GRID2: variants seen among roughly 807,000 people sequenced by gnomAD.
GRID2 encodes the protein glutamate receptor ionotropic, delta-2.
Under a neutral mutation model 114.8 loss-of-function variants are expected in GRID2, and 33 were observed. The ratio of observed to expected loss-of-function variants is 0.29; its 90% CI spans 0.22 to 0.38. The LOEUF (loss-of-function observed/expected upper bound fraction) is 0.38, where lower values mean the gene tolerates loss of function less well. GRID2 is among the 10% of genes least tolerant of loss of function. GRID2 has a pLI of 1.00. For synonymous variants in GRID2, 505 were observed against 449.9 expected, an observed-to-expected ratio of 1.12 and a Z score of -1.55; for missense variants, 1,184 against 1,257.7, an observed-to-expected ratio of 0.94 and a Z score of 0.89.
intron 2 of GRID2, among the ~76,000 whole-genome samples, chr4:92,974,802 T>C (rs142448181): frequency 0.012 from 1,895 of 152,104 alleles, 20 homozygotes; most frequent in Non-Finnish European, 0.02. Flanking sequence ...AACTGCACGT[T>C]CTGCACATGT....
At chr4:93,417,851 A>T (rs560817756) in intron 9 of GRID2, among the ~76,000 whole-genome samples, 2 of 151,510 alleles carry the variant, frequency 1.3e-5, no homozygotes, top group South Asian at 2.1e-4. Flanking sequence ...TATCTTTTCC[A>T]TGTTGATGGG....
chr4:93,098,380 C>G (rs750903824), intron 3 of GRID2, among the ~76,000 whole-genome samples: 1 of 151,896 alleles, frequency 6.6e-6, no homozygotes. Context: ...AATTGGCAGT[C>G]GTTCCAGGCA....
intron 1 of GRID2, among the ~76,000 whole-genome samples, chr4:92,586,393 CAT>C (rs1034902424): frequency 6.4e-5 from 9 of 140,744 alleles, no homozygotes; most frequent in African/African-American, 1.1e-4. Flanking sequence ...CACACACACA[CAT>C]ACACACACAC....
intron 1 of GRID2, among the ~76,000 whole-genome samples, chr4:92,316,764 G>T (rs1726005567): frequency 6.6e-6 from 1 of 152,086 alleles, no homozygotes; most frequent in Admixed American, 6.6e-5. Flanking sequence ...GCCTAAAGGT[G>T]CCATAAAAAC....
rs1224255148 is a variant in GRID2 at position 92,935,507 on chromosome 4, C to T, written c.245-149488C>T. The stretch of plus-strand genomic sequence containing the variant: ...CCTCAGGGATCTAGAACTAGAAATA[C>T]CATTTGACCCAGCCATCCCATTACT... On this transcript the variant is annotated intron_variant, in intron 2 of 15. Coordinates refer to ENST00000282020, the MANE Select transcript of GRID2 (RefSeq NM_001510.4). Among the ~76,000 whole-genome samples the T allele has an allele frequency of 1.4e-5, 2 of 146,656 alleles. 1 individual carries two copies. Among genetic ancestry groups the T allele is most frequent in the South Asian group, 4.6e-4 (2 of 4,320 alleles).
chr4:92,595,429 AT>A (rs1188822530), intron 2 of GRID2, among the ~76,000 whole-genome samples: 1 of 151,950 alleles, frequency 6.6e-6, no homozygotes, highest in Non-Finnish European at 1.5e-5. Flanking sequence ...CACAAAATAA[AT>A]GATATTTTTA....
intron 2 of GRID2, among the ~76,000 whole-genome samples, chr4:92,910,601 G>A (rs1453109704): frequency 2.0e-5 from 3 of 152,106 alleles, no homozygotes; most frequent in Non-Finnish European, 4.4e-5. Flanking sequence ...TAAATACAAT[G>A]AGAATTTTCA....
chr4:92,665,793 G>A (rs1261070518), intron 2 of GRID2, among the ~76,000 whole-genome samples: 1 of 150,822 alleles, frequency 6.6e-6, no homozygotes, highest in Non-Finnish European at 1.5e-5. Context: ...TCTACTGATA[G>A]TCTCATTGAG....
chr4:93,605,369 T>C (rs1335240038), intron 13 of GRID2, among the ~76,000 whole-genome samples: 2 of 152,212 alleles, frequency 1.3e-5, no homozygotes, highest in Non-Finnish European at 2.9e-5. Context: ...TATGAAACTG[T>C]GCTGAGTCAT....
intron 2 of GRID2, among the ~76,000 whole-genome samples, chr4:92,664,230 T>A (rs2149271180): frequency 6.6e-6 from 1 of 151,380 alleles, no homozygotes; most frequent in South Asian, 2.1e-4. Context: ...ATCTCAAAAT[T>A]TTCTTCTTAG....
intron 2 of GRID2, among the ~76,000 whole-genome samples, chr4:93,041,111 AAT>A (rs1725475756): frequency 6.6e-6 from 1 of 152,144 alleles, no homozygotes; most frequent in Non-Finnish European, 1.5e-5. Flanking sequence ...AAATAAATAA[AAT>A]ATTATTAGTG....
At chr4:92,701,233 A>C (rs962982782) in intron 2 of GRID2, among the ~76,000 whole-genome samples, 1 of 152,176 alleles carries the variant, frequency 6.6e-6, no homozygotes, top group African/African-American at 2.4e-5. Context: ...TGTCTAATGC[A>C]TAATAAAAAC....
At chr4:93,136,674 A>G (rs1380726937) in intron 4 of GRID2, among the ~76,000 whole-genome samples, 2 of 152,154 alleles carry the variant, frequency 1.3e-5, no homozygotes, top group East Asian at 3.8e-4. Context: ...AATGAATTCT[A>G]AAGGAGAAAC....
At chr4:93,305,234 A>G (rs1755289270) in intron 8 of GRID2, among the ~76,000 whole-genome samples, 1 of 152,202 alleles carries the variant, frequency 6.6e-6, no homozygotes, top group Non-Finnish European at 1.5e-5. Flanking sequence ...AGCTGACTGC[A>G]GAACAAAAGG....
intron 8 of GRID2, among the ~76,000 whole-genome samples, chr4:93,266,006 G>A (rs1279045607): frequency 6.6e-6 from 1 of 152,084 alleles, no homozygotes; most frequent in Admixed American, 6.6e-5. Flanking sequence ...GCAGCTCAGG[G>A]AGCAAGGTGG....
At chr4:93,678,502 A>C (rs2110083354) in intron 14 of GRID2, among the ~76,000 whole-genome samples, 1 of 152,168 alleles carries the variant, frequency 6.6e-6, no homozygotes, top group African/African-American at 2.4e-5. Context: ...GAACTGAAGG[A>C]AAAAATGTTA....
rs141523963 is a variant in GRID2, at chr4:93,461,544, A to G, written c.1858+5570A>G. Among the ~76,000 whole-genome samples, 405 of 152,306 alleles carry G rather than the reference A, an allele frequency of 2.7e-3. 2 individuals carry two copies. The highest frequency in any genetic ancestry group is 9.2e-3 in the African/African-American group (384 of 41,588). The stretch of plus-strand genomic sequence containing the variant: ...TGTTATCAGACAGATTTCTAAAAAA[A>G]GAGTTCACGGACAGCCAAAAGCAGA... On this transcript the variant is annotated intron_variant, in intron 11 of 15. Coordinates refer to ENST00000282020, the MANE Select transcript of GRID2 (RefSeq NM_001510.4).
chr4:93,274,913 G>A (rs928549797), intron 8 of GRID2, among the ~76,000 whole-genome samples: 17 of 151,854 alleles, frequency 1.1e-4, no homozygotes, highest in Admixed American at 2.0e-4. Context: ...GCTTTATTGA[G>A]TTATAAATCA....
At chr4:92,934,373 T>G (rs1462835539) in intron 2 of GRID2, among the ~76,000 whole-genome samples, 2 of 151,488 alleles carry the variant, frequency 1.3e-5, no homozygotes, top group African/African-American at 4.8e-5. Flanking sequence ...TTTTGTACAT[T>G]GATTTTGTAT....
Sources: allele counts gnomAD v4.1 joint callset (sites outside exome capture counted in the v4.1 genomes callset), GRCh38; gene constraint gnomAD v4.1.1; transcripts MANE v1.5; gene names NCBI Gene and HGNC (gene_info 2026-07-23, HGNC 2026-07-21).